ARHGEF3: variants seen among roughly 807,000 people sequenced by gnomAD.
The protein encoded by ARHGEF3 is Rho guanine nucleotide exchange factor 3.
ARHGEF3 carries 28 observed loss-of-function variants against 63.2 expected under a neutral mutation model. That is an observed-to-expected ratio of 0.44 (90% CI 0.33 to 0.61). The LOEUF (loss-of-function observed/expected upper bound fraction) is 0.61, where lower values mean the gene tolerates loss of function less well. Ranked by LOEUF, ARHGEF3 falls within the 20% of genes least tolerant of loss-of-function variation. The probability of loss-of-function intolerance (pLI) is 0.03; values close to 1 mark genes in which losing one functional copy is unlikely to be tolerated. For synonymous variants in ARHGEF3, 266 were observed against 254.2 expected (o/e 1.05, Z -0.44); for missense variants, 533 against 659.3 (o/e 0.81, Z 2.10).
At chr3:56,775,110 T>A in intron 1 of ARHGEF3, 1 of 1,550,538 alleles carries the variant, frequency 6.4e-7, no homozygotes, top group Non-Finnish European at 8.7e-7. Flanking sequence ...CAAACCTCAA[T>A]CATTTCCAGA....
intron 4 of ARHGEF3, among the ~76,000 whole-genome samples, chr3:56,843,420 G>A (rs1488611181): frequency 8.1e-6 from 1 of 123,914 alleles, no homozygotes; most frequent in African/African-American, 3.1e-5. Context: ...CACCATGCCT[G>A]GATGACTTTT....
At chr3:56,793,453 G>A (rs1044404022) in intron 1 of ARHGEF3, among the ~76,000 whole-genome samples, 1 of 152,178 alleles carries the variant, frequency 6.6e-6, no homozygotes, top group African/African-American at 2.4e-5. Context: ...ACAGGCGTGA[G>A]CCACCGTGCC....
intron 1 of ARHGEF3, chr3:57,074,423 C>G: frequency 1.5e-6 from 1 of 646,100 alleles, no homozygotes; most frequent in Middle Eastern, 4.2e-4. Flanking sequence ...CAAGAAGCCT[C>G]CCTGTCACAC....
intron 3 of ARHGEF3, among the ~76,000 whole-genome samples, chr3:56,929,978 C>T (rs1353746000): frequency 6.6e-6 from 1 of 152,144 alleles, no homozygotes; most frequent in African/African-American, 2.4e-5. Context: ...ACCGATGACC[C>T]TCTCCCACTC....
intron 3 of ARHGEF3, among the ~76,000 whole-genome samples, chr3:56,934,317 C>A (rs1186655924): frequency 6.6e-6 from 1 of 152,246 alleles, no homozygotes; most frequent in African/African-American, 2.4e-5. Flanking sequence ...GTCCTCAGAG[C>A]CCTCGCTTGC....
chr3:56,818,196 C>T (rs1481251707), intron 4 of ARHGEF3, among the ~76,000 whole-genome samples: 1 of 152,160 alleles, frequency 6.6e-6, no homozygotes, highest in African/African-American at 2.4e-5. Context: ...CTGGGTGACC[C>T]TCAGTTCCCT....
intron 2 of ARHGEF3, among the ~76,000 whole-genome samples, chr3:56,997,595 C>T (rs1458832546): frequency 2.6e-5 from 4 of 152,204 alleles, no homozygotes; most frequent in Non-Finnish European, 4.4e-5. Flanking sequence ...AGATCTACCC[C>T]GGGCAGGTTG....
intron 4 of ARHGEF3, among the ~76,000 whole-genome samples, chr3:56,877,794 A>G (rs1446306895): frequency 2.0e-5 from 3 of 151,930 alleles, no homozygotes; most frequent in African/African-American, 7.3e-5. Context: ...TAAACATCAA[A>G]CTCCGCAAAG....
intron 8 of ARHGEF3, among the ~76,000 whole-genome samples, chr3:56,733,699 T>C (rs1443538332): frequency 1.3e-5 from 2 of 151,872 alleles, no homozygotes; most frequent in Admixed American, 1.3e-4. Flanking sequence ...AGAAAGATGA[T>C]CAGGCTGGGC....
chr3:56,996,211 T>C (rs969816085), intron 2 of ARHGEF3, among the ~76,000 whole-genome samples: 2 of 152,166 alleles, frequency 1.3e-5, no homozygotes, highest in African/African-American at 4.8e-5. Flanking sequence ...CCAGGGGGTC[T>C]GCTGAGCCAC....
At chr3:56,903,248 C>T (rs1483883256) in intron 3 of ARHGEF3, among the ~76,000 whole-genome samples, 1 of 152,088 alleles carries the variant, frequency 6.6e-6, no homozygotes, top group Non-Finnish European at 1.5e-5. Flanking sequence ...CTGGGATTGG[C>T]AAAATTGAAA....
In ARHGEF3 at chr3:57,036,690, A is replaced by C. The variant is rs374154060; in HGVS notation, c.-27-1514T>G. Reference sequence around the variant, plus strand: ...TTCAACTGTAGAACTGGCTGTGCAGATCATACTGAGGGATAGTGTATTGGT... The same window carrying C: ...TTCAACTGTAGAACTGGCTGTGCAGCTCATACTGAGGGATAGTGTATTGGT... On this transcript the variant is annotated intron_variant, in intron 1 of 12. Transcript: ENST00000338458. Among the ~76,000 whole-genome samples the C allele has an allele frequency of 1.2e-4, 19 of 152,288 alleles. No individual in the cohort carries two copies. In the East Asian group the frequency reaches 1.9e-3, roughly 15 times the overall value.
intron 8 of ARHGEF3, among the ~76,000 whole-genome samples, chr3:56,736,131 T>C (rs2033612340): frequency 6.6e-6 from 1 of 152,034 alleles, no homozygotes; most frequent in African/African-American, 2.4e-5. Context: ...GTGAGCTGAA[T>C]GAATTTTGAA....
chr3:56,968,020 AC>A (rs1700669660), intron 2 of ARHGEF3, among the ~76,000 whole-genome samples: 4 of 33,882 alleles, frequency 1.2e-4, no homozygotes, highest in Non-Finnish European at 2.2e-4. Context: ...TAAATATAAA[AC>A]ATATATATTT....
chr3:56,968,169 A>AT (rs1491541367), intron 2 of ARHGEF3, among the ~76,000 whole-genome samples: 1 of 28,338 alleles, frequency 3.5e-5, no homozygotes, highest in Non-Finnish European at 7.0e-5. Context: ...TATATTATAT[A>AT]ATATATATAA....
At chr3:57,005,666 C>T (rs556875101) in intron 2 of ARHGEF3, among the ~76,000 whole-genome samples, 5 of 152,294 alleles carry the variant, frequency 3.3e-5, no homozygotes, top group East Asian at 3.9e-4. Flanking sequence ...CCATGTCTGG[C>T]GCTGAGGGTC....
chr3:57,022,311 A>G (rs1025917672), intron 2 of ARHGEF3, among the ~76,000 whole-genome samples: 1 of 151,810 alleles, frequency 6.6e-6, no homozygotes, highest in Non-Finnish European at 1.5e-5. Flanking sequence ...GTCTTTGCCA[A>G]CAAAGGAAGA....
At chr3:56,741,478 C>T (rs1481957338) in intron 7 of ARHGEF3, among the ~76,000 whole-genome samples, 1 of 144,116 alleles carries the variant, frequency 6.9e-6, no homozygotes, top group African/African-American at 2.6e-5. Flanking sequence ...GCCACTGCTC[C>T]TGGCCTCTAC....
intron 4 of ARHGEF3, among the ~76,000 whole-genome samples, chr3:56,818,920 A>G (rs1011291890): frequency 9.2e-5 from 14 of 152,212 alleles, no homozygotes; most frequent in Non-Finnish European, 1.5e-5. Flanking sequence ...GAAGGTAACG[A>G]AAAAAACTAT....
Sources: gnomAD v4.1 joint callset for allele counts (sites outside exome capture counted in the v4.1 genomes callset) on GRCh38, gnomAD v4.1.1 for gene constraint, MANE v1.5 for transcripts, NCBI Gene and HGNC (gene_info 2026-07-23, HGNC 2026-07-21) for gene names.